The following ERBB4 variants were observed in gnomAD, a reference collection of about 807,000 sequenced individuals.
ERBB4 encodes the protein erb-b2 receptor tyrosine kinase 4.
In ERBB4, 42 loss-of-function variants were observed where a neutral mutation model predicts 158.0. That is an observed-to-expected ratio of 0.27 (90% confidence interval 0.21 to 0.34). The LOEUF (loss-of-function observed/expected upper bound fraction) is 0.34. Among genes scored for constraint, ERBB4 ranks in the 10% least tolerant of loss-of-function variants. ERBB4 has a pLI of 1.00. For missense variants in ERBB4, 1,333 were observed against 1,624.1 expected (o/e 0.82, Z 3.08); for synonymous variants, 583 against 558.7 (o/e 1.04, Z -0.61).
rs1322798355 is a variant in ERBB4 at position 211,539,776 on chromosome 2, A to G, written c.2487+22127T>C. On this transcript the variant is annotated intron_variant, in intron 20 of 27. Transcript: ENST00000342788. ...CCCTAAGAGAGAAGGCAGAAATACA[A>G]AGGGAGGTTTTTTTATGTTCATTGT... Among the ~76,000 whole-genome samples, 6 of 151,958 alleles carry G rather than the reference A, an allele frequency of 3.9e-5. 1 individual carries two copies. In the East Asian group the frequency reaches 1.2e-3, roughly 29 times the overall value.
At chr2:212,038,662 T>C (rs1338697229) in intron 2 of ERBB4, among the ~76,000 whole-genome samples, 1 of 152,190 alleles carries the variant, frequency 6.6e-6, no homozygotes, top group Admixed American at 6.5e-5. Context: ...AAGCTTCTTC[T>C]TCTTTCACCA....
intron 2 of ERBB4, among the ~76,000 whole-genome samples, chr2:211,969,823 A>T (rs1023313286): frequency 4.0e-5 from 6 of 151,320 alleles, no homozygotes; most frequent in African/African-American, 1.2e-4. Flanking sequence ...CTATTTATTA[A>T]TTTTTTTCAA....
chr2:211,987,102 C>A (rs1212356850), intron 2 of ERBB4, among the ~76,000 whole-genome samples: 1 of 151,944 alleles, frequency 6.6e-6, no homozygotes, highest in Non-Finnish European at 1.5e-5. Flanking sequence ...GGCTGGATCA[C>A]CTGAGGTCAG....
At chr2:211,961,676 A>G (rs1416944648) in intron 2 of ERBB4, among the ~76,000 whole-genome samples, 3 of 152,188 alleles carry the variant, frequency 2.0e-5, no homozygotes, top group African/African-American at 4.8e-5. Context: ...TGTAAGTATT[A>G]TAAAGTCTCT....
intron 1 of ERBB4, among the ~76,000 whole-genome samples, chr2:212,272,237 T>C (rs1024836323): frequency 4.6e-5 from 7 of 151,798 alleles, no homozygotes; most frequent in African/African-American, 1.7e-4. Flanking sequence ...AATCCTGACA[T>C]ATAGCTAAAT....
chr2:211,894,711 A>C (rs913076709), intron 3 of ERBB4, among the ~76,000 whole-genome samples: 1 of 152,198 alleles, frequency 6.6e-6, no homozygotes, highest in South Asian at 2.1e-4. Flanking sequence ...ATGACACCAA[A>C]CTGTTGGTGA....
intron 5 of ERBB4, among the ~76,000 whole-genome samples, chr2:211,747,614 C>A (rs776043972): frequency 6.6e-6 from 1 of 152,008 alleles, no homozygotes; most frequent in East Asian, 1.9e-4. Flanking sequence ...CCAACAGAAG[C>A]AGATCTACTA....
At chr2:212,117,982 T>C (rs1448723548) in intron 2 of ERBB4, among the ~76,000 whole-genome samples, 2 of 152,222 alleles carry the variant, frequency 1.3e-5, no homozygotes, top group Non-Finnish European at 2.9e-5. Flanking sequence ...TCTATTTATT[T>C]TGAAATATGT....
At chr2:211,458,270 A>AT (rs751521536) in intron 20 of ERBB4, among the ~76,000 whole-genome samples, 2,307 of 143,374 alleles carry the variant, frequency 0.016, 36 homozygotes, top group East Asian at 0.05. Flanking sequence ...ACAATGAATA[A>AT]TTTTTTTTTT....
At chr2:212,525,069 A>T (rs1016848633) in intron 1 of ERBB4, among the ~76,000 whole-genome samples, 2 of 152,038 alleles carry the variant, frequency 1.3e-5, no homozygotes, top group African/African-American at 4.8e-5. Context: ...AACAATCAGT[A>T]AAGTTGTAAG....
chr2:212,196,038 G>T (rs892109359), intron 1 of ERBB4, among the ~76,000 whole-genome samples: 2 of 152,038 alleles, frequency 1.3e-5, no homozygotes, highest in Non-Finnish European at 2.9e-5. Flanking sequence ...ATTTTAATGT[G>T]CAGTTGACCC....
At chr2:211,391,976 T>C (rs1300414124) in intron 25 of ERBB4, among the ~76,000 whole-genome samples, 2 of 152,322 alleles carry the variant, frequency 1.3e-5, no homozygotes, top group East Asian at 3.9e-4. Flanking sequence ...CAATAGTAAT[T>C]ATAAGATTAC....
intron 2 of ERBB4, among the ~76,000 whole-genome samples, chr2:212,046,935 C>A (rs182841330): frequency 1.8e-4 from 28 of 152,084 alleles, no homozygotes; most frequent in Admixed American, 1.6e-3. Flanking sequence ...CTTGGATATA[C>A]TGATTATATG....
intron 14 of ERBB4, among the ~76,000 whole-genome samples, chr2:211,666,364 GAACA>G (rs1232410904): frequency 1.3e-5 from 2 of 151,938 alleles, no homozygotes; most frequent in Non-Finnish European, 2.9e-5. Context: ...AATGCAAATA[GAACA>G]AACTCATTCT....
At chr2:211,786,506 C>T (rs2076168484) in intron 4 of ERBB4, among the ~76,000 whole-genome samples, 4 of 152,304 alleles carry the variant, frequency 2.6e-5, no homozygotes, top group South Asian at 2.1e-4. Flanking sequence ...AAAAACAATA[C>T]AGCCACAGTT....
intron 1 of ERBB4, among the ~76,000 whole-genome samples, chr2:212,388,086 C>A (rs1383641675): frequency 6.6e-6 from 1 of 151,902 alleles, no homozygotes; most frequent in Non-Finnish European, 1.5e-5. Context: ...CTATATAGAT[C>A]CCTTGATATC....
intron 5 of ERBB4, among the ~76,000 whole-genome samples, chr2:211,738,521 CCACCA>C (rs2074684419): frequency 6.6e-6 from 1 of 151,718 alleles, no homozygotes; most frequent in Admixed American, 6.6e-5. Flanking sequence ...GGTGTCTCTG[CCACCA>C]CACTCAGCTA....
At chr2:211,687,354 A>T (rs571571524) in intron 12 of ERBB4, among the ~76,000 whole-genome samples, 4 of 151,898 alleles carry the variant, frequency 2.6e-5, no homozygotes, top group Admixed American at 1.3e-4. Context: ...ACCCTCCCAC[A>T]ATATTGCCTA....
In ERBB4 at chr2:211,378,887, CTTT is replaced by C. The variant is rs10585346; in HGVS notation, c.*4725_*4727del. 1,643 of 215,454 alleles carry C rather than the reference CTTT, an allele frequency of 7.6e-3. 3 individuals are homozygous for C. Among genetic ancestry groups the C allele is most frequent in the African/African-American group, 0.013 (579 of 44,168 alleles). The allele number at this position is 215,454 out of a possible 1,614,324, so 13.3% of individuals were successfully genotyped here. On this transcript the variant is annotated 3_prime_UTR_variant, in exon 28 of 28. Coordinates refer to ENST00000342788, the MANE Select transcript of ERBB4 (RefSeq NM_005235.3). ...ACAGTAGAAGTTAATTTATCTGTTT[CTTT>C]TTTTTTTTTTAACAACTAGAAGCTG...
Sources: gnomAD v4.1 joint callset for allele counts (sites outside exome capture counted in the v4.1 genomes callset) on GRCh38, gnomAD v4.1.1 for gene constraint, MANE v1.5 for transcripts, NCBI Gene and HGNC (gene_info 2026-07-23, HGNC 2026-07-21) for gene names.